KCNK1: variants seen among roughly 807,000 people sequenced by gnomAD.
KCNK1 encodes potassium two pore domain channel subfamily K member 1, also known as potassium channel subfamily K member 1.
Under a neutral mutation model 22.2 loss-of-function variants are expected in KCNK1, and 10 were observed. The ratio of observed to expected loss-of-function variants is 0.45; its 90% CI spans 0.28 to 0.76. The LOEUF (loss-of-function observed/expected upper bound fraction) is 0.76. KCNK1 is among the 30% of genes least tolerant of loss of function. The pLI is 0.14. For missense variants in KCNK1, 378 were observed against 421.0 expected (o/e 0.90, Z 0.89); for synonymous variants, 200 against 186.4 (o/e 1.07, Z -0.60).
At chr1:233,668,628 G>A (rs1280375528) in intron 2 of KCNK1, among the ~76,000 whole-genome samples, 1 of 150,712 alleles carries the variant, frequency 6.6e-6, no homozygotes, top group Non-Finnish European at 1.5e-5. Context: ...TTTTTGAGAT[G>A]GAGTTTCATT....
intron 1 of KCNK1, among the ~76,000 whole-genome samples, chr1:233,638,049 T>G (rs887693265): frequency 2.6e-5 from 4 of 152,288 alleles, no homozygotes; most frequent in African/African-American, 9.6e-5. Context: ...ATATTTATTT[T>G]TGTTATGTTG....
At chr1:233,639,228 A>G (rs1657963587) in intron 1 of KCNK1, among the ~76,000 whole-genome samples, 1 of 151,952 alleles carries the variant, frequency 6.6e-6, no homozygotes, top group Admixed American at 6.6e-5. Flanking sequence ...ATTTTTAACC[A>G]CTCATTTGGC....
chr1:233,626,216 A>G (rs1558108898), intron 1 of KCNK1, among the ~76,000 whole-genome samples: 1 of 151,908 alleles, frequency 6.6e-6, no homozygotes. Context: ...GGCTTTGCTG[A>G]TGGATTGGAT....
At chr1:233,634,336 AAAAG>A (rs1345600414) in intron 1 of KCNK1, among the ~76,000 whole-genome samples, 2 of 152,108 alleles carry the variant, frequency 1.3e-5, no homozygotes, top group African/African-American at 2.4e-5. Flanking sequence ...AAAAAAAAGA[AAAAG>A]AAAATACATT....
intron 1 of KCNK1, among the ~76,000 whole-genome samples, chr1:233,623,294 G>A (rs915464172): frequency 1.3e-5 from 2 of 152,150 alleles, no homozygotes; most frequent in South Asian, 2.1e-4. Flanking sequence ...GGTACGGGGA[G>A]GGGGGATGGG....
chr1:233,663,709 C>A (rs1658440479), intron 1 of KCNK1, among the ~76,000 whole-genome samples: 4 of 152,140 alleles, frequency 2.6e-5, no homozygotes, highest in Admixed American at 2.6e-4. Flanking sequence ...AGTGCCAAAG[C>A]TAAATTCATC....
chr1:233,624,160 T>C (rs1657644906), intron 1 of KCNK1: 1 of 154,246 alleles, frequency 6.5e-6, no homozygotes, highest in African/African-American at 2.4e-5. Context: ...CTGAAGCCTC[T>C]TGGGGCTTAT....
At chr1:233,618,690 C>A (rs573389761) in intron 1 of KCNK1, among the ~76,000 whole-genome samples, 1 of 152,108 alleles carries the variant, frequency 6.6e-6, no homozygotes, top group Non-Finnish European at 1.5e-5. Flanking sequence ...TCAAGACCAT[C>A]CTGGCCAACA....
intron 2 of KCNK1, 21 bp from the exon 3 acceptor site, chr1:233,671,249 CA>C (rs1327958892): frequency 3.7e-6 from 6 of 1,611,544 alleles, no homozygotes; most frequent in Non-Finnish European, 5.1e-6. Context: ...CACACTAAGA[CA>C]GTGTCCTGTT....
In KCNK1 at chr1:233,630,983, C is replaced by CAT. The variant is rs1413759625; in HGVS notation, c.355+16459_355+16460dup. 1.6e-4 allele frequency among the ~76,000 whole-genome samples: 24 copies of CAT among 152,308 alleles called. No individual in the cohort carries two copies. The East Asian group carries it at 4.2e-3, about 27-fold the overall frequency. The stretch of plus-strand genomic sequence containing the variant: ...GTGAGAGCACCATAGAAACTTGATA[C>CAT]ATAGCTTGTTTGCAGCAAAAGAGAG... On this transcript the variant is annotated intron_variant, in intron 1 of 2. Coordinates refer to ENST00000366621, the MANE Select transcript of KCNK1 (RefSeq NM_002245.4).
intron 1 of KCNK1, among the ~76,000 whole-genome samples, chr1:233,660,319 T>C (rs1430088280): frequency 1.3e-5 from 2 of 152,174 alleles, no homozygotes; most frequent in Non-Finnish European, 2.9e-5. Flanking sequence ...TCCTTGAGAG[T>C]TATCGTTTAC....
In KCNK1 at chr1:233,614,171, G is replaced by T. The variant is rs531775607; in HGVS notation, c.-1G>T. On this transcript the variant is annotated 5_prime_UTR_variant, in exon 1 of 3. Transcript: ENST00000366621. ...TGGCCTTGGCGGCGGCGGTGGAGAAGATGCTGCAGTCCCTGGCCGGCAGCT... is the reference window on the plus strand; with the variant it reads ...TGGCCTTGGCGGCGGCGGTGGAGAATATGCTGCAGTCCCTGGCCGGCAGCT... 1.9e-6 allele frequency: 3 copies of T among 1,596,334 alleles called. No individual in the cohort carries two copies. The South Asian group carries it at 3.3e-5, about 18-fold the overall frequency.
At chr1:233,621,684 A>G (rs1395316583) in intron 1 of KCNK1, among the ~76,000 whole-genome samples, 1 of 152,150 alleles carries the variant, frequency 6.6e-6, no homozygotes, top group African/African-American at 2.4e-5. Context: ...GTGAACTCAT[A>G]CCTGTCTATA....
At chr1:233,615,049 G>A (rs1417210313) in intron 1 of KCNK1, among the ~76,000 whole-genome samples, 1 of 152,220 alleles carries the variant, frequency 6.6e-6, no homozygotes, top group African/African-American at 2.4e-5. Context: ...GGAGTGTGCC[G>A]TCCCTTTGGA....
At chr1:233,634,156 A>C (rs1349733941) in intron 1 of KCNK1, among the ~76,000 whole-genome samples, 3 of 152,090 alleles carry the variant, frequency 2.0e-5, no homozygotes, top group Non-Finnish European at 2.9e-5. Context: ...AAATACAAAA[A>C]TTAGCTGGGT....
chr1:233,646,340 A>G (rs1056766897), intron 1 of KCNK1, among the ~76,000 whole-genome samples: 4 of 152,012 alleles, frequency 2.6e-5, no homozygotes, highest in Admixed American at 2.0e-4. Context: ...GTATTTAAGA[A>G]CTCTCCAGGT....
chr1:233,647,321 A>C (rs61824318), intron 1 of KCNK1, among the ~76,000 whole-genome samples: 48,665 of 152,082 alleles, frequency 0.32, 8,941 homozygotes, highest in Admixed American at 0.43. Context: ...TTCAGACGTG[A>C]ATGTCAGTGG....
intron 1 of KCNK1, among the ~76,000 whole-genome samples, chr1:233,619,962 A>C (rs1657553394): frequency 6.6e-6 from 1 of 151,980 alleles, no homozygotes; most frequent in African/African-American, 2.4e-5. Context: ...GAGTAGAACG[A>C]AGTGGGCGAA....
chr1:233,658,587 C>T (rs772180307), intron 1 of KCNK1, among the ~76,000 whole-genome samples: 2 of 152,250 alleles, frequency 1.3e-5, no homozygotes, highest in South Asian at 2.1e-4. Flanking sequence ...CGTCACCTAA[C>T]GACAGGGATA....
Sources: allele counts gnomAD v4.1 joint callset (sites outside exome capture counted in the v4.1 genomes callset), GRCh38; gene constraint gnomAD v4.1.1; transcripts MANE v1.5; gene names NCBI Gene and HGNC (gene_info 2026-07-23, HGNC 2026-07-21).